The following USP13 variants were observed in gnomAD, a reference collection of about 807,000 sequenced individuals.
USP13 encodes ubiquitin specific peptidase 13.
USP13 carries 68 observed loss-of-function variants against 107.8 expected under a neutral mutation model. The observed-to-expected ratio is 0.63, with a 90% CI of 0.52 to 0.77. The LOEUF (loss-of-function observed/expected upper bound fraction) is 0.77. USP13 is among the 30% of genes least tolerant of loss of function. USP13 has a pLI of 0.00. For missense variants in USP13, 945 were observed against 1,093.3 expected (o/e 0.86, Z 1.91); for synonymous variants, 377 against 389.5 (o/e 0.97, Z 0.38).
At chr3:179,731,771 C>G (rs963818132) in intron 10 of USP13, among the ~76,000 whole-genome samples, 1 of 152,170 alleles carries the variant, frequency 6.6e-6, no homozygotes, top group Non-Finnish European at 1.5e-5. Context: ...GCCACAGATG[C>G]CCTGAGTGGA....
rs1714254276 is a variant in USP13, at chr3:179,742,961, A to T, written c.1534+611A>T. Among the ~76,000 whole-genome samples the T allele has an allele frequency of 6.6e-6, 1 of 152,338 alleles. No individual in the cohort carries two copies. The highest frequency in any genetic ancestry group is 2.1e-4 in the South Asian group (1 of 4,824). On this transcript the variant is annotated intron_variant, in intron 12 of 20. Coordinates refer to ENST00000263966, the MANE Select transcript of USP13 (RefSeq NM_003940.3). The surrounding 1 kb of genome is among the most constrained non-coding windows in gnomAD (Gnocchi z 5.0). ...TGGTTCTTCCTAGGCAGAATAGACA[A>T]ATGGCATTTCTTCGAATTAACATCG...
At chr3:179,773,108 G>T (rs1324322362) in intron 19 of USP13, among the ~76,000 whole-genome samples, 1 of 152,182 alleles carries the variant, frequency 6.6e-6, no homozygotes, top group Non-Finnish European at 1.5e-5. Context: ...TGTTGGAGGT[G>T]GGACCTGGTG....
At chr3:179,712,116 G>C (rs1027325314) in intron 6 of USP13, among the ~76,000 whole-genome samples, 16 of 152,194 alleles carry the variant, frequency 1.1e-4, no homozygotes, top group African/African-American at 3.9e-4. Flanking sequence ...TTCAGTGAGT[G>C]ATTGTAATTA....
intron 11 of USP13, among the ~76,000 whole-genome samples, chr3:179,741,465 A>G (rs1487690610): frequency 6.6e-6 from 1 of 150,376 alleles, no homozygotes; most frequent in East Asian, 1.9e-4. Context: ...TTTTTTTTTT[A>G]GAATAAAGCC....
chr3:179,686,451 G>A (rs1041382515), intron 2 of USP13, among the ~76,000 whole-genome samples: 11 of 152,276 alleles, frequency 7.2e-5, no homozygotes, highest in African/African-American at 1.9e-4. Flanking sequence ...GAATGGTGGC[G>A]CATGCCTTAG....
intron 3 of USP13, 56 bp downstream of exon 3, chr3:179,690,357 C>A: frequency 7.0e-7 from 1 of 1,429,574 alleles, no homozygotes; most frequent in Non-Finnish European, 9.8e-7. Context: ...TGTATATGTG[C>A]ATACTCATGT....
chr3:179,663,317 C>T (rs58983589), intron 1 of USP13, among the ~76,000 whole-genome samples: 2,815 of 152,330 alleles, frequency 0.018, 81 homozygotes, highest in African/African-American at 0.064. Context: ...TGTCAATTTT[C>T]TTCCTTTGTA....
chr3:179,672,634 A>G (rs1185240470), intron 1 of USP13, among the ~76,000 whole-genome samples: 1 of 152,006 alleles, frequency 6.6e-6, no homozygotes, highest in Non-Finnish European at 1.5e-5. Flanking sequence ...GGGTTTCACC[A>G]TGTTGGCCAG....
intron 3 of USP13, among the ~76,000 whole-genome samples, chr3:179,696,917 G>C (rs4854947): frequency 3.0e-4 from 45 of 152,220 alleles, no homozygotes; most frequent in Non-Finnish European, 5.1e-4. Context: ...TAAAGCTACA[G>C]ATATGCATAG....
intron 1 of USP13, among the ~76,000 whole-genome samples, chr3:179,668,197 G>T (rs528109592): frequency 1.3e-5 from 2 of 152,068 alleles, no homozygotes; most frequent in Non-Finnish European, 2.9e-5. Flanking sequence ...ATGGGGTCTC[G>T]CTATGCTGCC....
At chr3:179,667,543 C>T (rs1434986569) in intron 1 of USP13, among the ~76,000 whole-genome samples, 1 of 152,166 alleles carries the variant, frequency 6.6e-6, no homozygotes, top group African/African-American at 2.4e-5. Flanking sequence ...TCCATGTTCC[C>T]CATTTGTCCT....
intron 1 of USP13, among the ~76,000 whole-genome samples, chr3:179,677,705 A>T (rs1176857096): frequency 1.3e-5 from 2 of 152,184 alleles, no homozygotes; most frequent in Non-Finnish European, 2.9e-5. Flanking sequence ...GATATAGAGT[A>T]TTTCTATATT....
chr3:179,771,870 C>T (rs941515241), intron 19 of USP13, among the ~76,000 whole-genome samples: 3 of 152,144 alleles, frequency 2.0e-5, no homozygotes, highest in Non-Finnish European at 4.4e-5. Flanking sequence ...ATCTAAATGG[C>T]GTCTAATTTG....
At chr3:179,758,037 T>C (rs1189760259) in intron 16 of USP13, among the ~76,000 whole-genome samples, 4 of 152,204 alleles carry the variant, frequency 2.6e-5, no homozygotes, top group Non-Finnish European at 5.9e-5. Context: ...CTACTTTTTA[T>C]AAAACAAGGT....
At chr3:179,738,212 A>G in intron 10 of USP13, among the ~76,000 whole-genome samples, 1 of 152,208 alleles carries the variant, frequency 6.6e-6, no homozygotes, top group Non-Finnish European at 1.5e-5. Context: ...TGTGCTCTGG[A>G]CTTCAGAGGA....
intron 13 of USP13, among the ~76,000 whole-genome samples, chr3:179,746,652 G>A (rs1205786792): frequency 6.6e-6 from 1 of 152,040 alleles, no homozygotes. Flanking sequence ...GGCTGGTCTC[G>A]AACTCCCAAC....
rs1713751570 is a variant in USP13, at chr3:179,730,247, T to A, written c.1147T>A (p.Phe383Ile). 1 of 1,610,970 alleles carries A rather than the reference T, an allele frequency of 6.2e-7. No individual in the cohort carries two copies. Among genetic ancestry groups the A allele is most frequent in the Non-Finnish European group, 8.5e-7 (1 of 1,179,488 alleles). Residue 383 changes from phenylalanine (F) to isoleucine (I), a missense_variant, in exon 9 of 21, where the codon TTC (phenylalanine) becomes ATC (isoleucine). Physicochemically the swap from Phe to Ile is conservative, Grantham distance 21. Transcript: ENST00000263966. ...DYSPLDPTQD[F>I]NTQMTKLGHG... ...CTCGCCTTTAGATCCAACACAAGAT[T>A]TCAACACACAGATGTAAGTGCCAGA...
chr3:179,661,025 A>G (rs1720442018), intron 1 of USP13, among the ~76,000 whole-genome samples: 1 of 152,234 alleles, frequency 6.6e-6, no homozygotes, highest in African/African-American at 2.4e-5. Context: ...AAAATTTAAA[A>G]CAATTTGAAC....
chr3:179,729,322 T>TA (rs1713708404), intron 8 of USP13, among the ~76,000 whole-genome samples: 1 of 152,210 alleles, frequency 6.6e-6, no homozygotes, highest in South Asian at 2.1e-4. Context: ...TGATTTTCAC[T>TA]AAACTGACTT....
Sources: gnomAD v4.1 joint callset for allele counts (sites outside exome capture counted in the v4.1 genomes callset) on GRCh38, gnomAD v4.1.1 for gene constraint, Gnocchi (gnomAD v3.1) non-coding constraint, MANE v1.5 for transcripts, NCBI Gene and HGNC (gene_info 2026-07-23, HGNC 2026-07-21) for gene names.